PIK3R2: variants seen among roughly 807,000 people sequenced by gnomAD.
PIK3R2 encodes phosphatidylinositol 3-kinase regulatory subunit beta.
Under a neutral mutation model 78.5 loss-of-function variants are expected in PIK3R2, and 40 were observed. That is an observed-to-expected ratio of 0.51 (90% CI 0.40 to 0.66). PIK3R2 has a LOEUF of 0.66. PIK3R2 is among the 30% of genes least tolerant of loss of function. The pLI is 0.00. For missense variants in PIK3R2, 880 were observed against 1,026.6 expected (o/e 0.86, Z 1.95); for synonymous variants, 473 against 457.7 (o/e 1.03, Z -0.43).
Position 18,169,552 on chromosome 19 carries a change from T to A in PIK3R2, c.*258T>A. The A allele has an allele frequency of 3.1e-6, 1 of 321,534 alleles. No homozygotes were observed. Among genetic ancestry groups the A allele is most frequent in the East Asian group, 4.7e-5 (1 of 21,452 alleles). The allele number at this position is 321,534 out of a possible 1,614,324, so 19.9% of individuals were successfully genotyped here. A position where few individuals can be genotyped will look rare whatever the true frequency, so the allele number is the denominator to read the frequency against. On this transcript the variant is annotated 3_prime_UTR_variant, in exon 16 of 16. Transcript: ENST00000222254. ...GGGGTCCTAACTCCCCCACCCCATA[T>A]CTACGTGTCCTCCGGGCATTGCCCT...
In PIK3R2 at chr19:18,168,673, G is replaced by A. The variant is rs2043833261; in HGVS notation, c.1809-53G>A. 1.4e-6 allele frequency: 2 copies of A among 1,481,262 alleles called. No individual in the cohort carries two copies. Among genetic ancestry groups the A allele is most frequent in the Non-Finnish European group, 9.4e-7 (1 of 1,061,718 alleles). The allele number at this position is 1,481,262 out of a possible 1,614,324, so 91.8% of individuals were successfully genotyped here. ...TTGTCCAGGCAGCTGGGGAGCCTCG[G>A]AGGCTGGCAGGTGAGTGACCAGGGC... On this transcript the variant is annotated intron_variant, in intron 14 of 15. Coordinates refer to ENST00000222254, the MANE Select transcript of PIK3R2 (RefSeq NM_005027.4). The surrounding 1 kb of genome is among the most constrained non-coding windows in gnomAD (Gnocchi z 4.1).
chr19:18,161,085 C>T lies in PIK3R2; in HGVS notation c.498C>T (p.Asp166=), dbSNP rs571606151. 2.9e-5 allele frequency: 46 copies of T among 1,608,642 alleles called. 1 individual carries two copies. The South Asian group carries it at 4.9e-4, about 17-fold the overall frequency. ...DWSLSDVDQW[D]TAALADGIKS... is the part of the protein sequence containing the mutation. ...CCCTGAGCGACGTGGATCAGTGGGA[C>T]ACGGCAGCCCTGGCTGACGGCATTA... The change falls in exon 5 of 16, where the codon GAC becomes GAT. Residue 166 remains aspartate, a synonymous_variant. Transcript: ENST00000222254. This position sits in a 1 kb window ranked among gnomAD's most constrained non-coding sequence, Gnocchi z 5.3.
chr19:18,156,152 G>A lies in PIK3R2; in HGVS notation c.273G>A (p.Arg91=), dbSNP rs763789524. 1 of 1,465,840 alleles carries A rather than the reference G, an allele frequency of 6.8e-7. No individual in the cohort carries two copies. The highest frequency in any genetic ancestry group is 9.0e-7 in the Non-Finnish European group (1 of 1,112,882). 90.8% of individuals were successfully genotyped at this position (1,465,840 alleles called of 1,614,324 possible). The change falls in exon 2 of 16, where the codon CGG becomes CGA. Residue 91 remains arginine, a synonymous_variant. Coordinates refer to ENST00000222254, the MANE Select transcript of PIK3R2 (RefSeq NM_005027.4). This position sits in a 1 kb window ranked among gnomAD's most constrained non-coding sequence, Gnocchi z 4.2. The part of the protein sequence containing the change: ...VALARPGPRP[R]GPRPLPARPR... ...TGGCCCGGCCCGGCCCTCGCCCACG[G>A]GGCCCCCGCCCACTGCCCGCCAGGC...
In PIK3R2 at chr19:18,161,725, C is replaced by G. The variant is rs1346707364; in HGVS notation, c.815+230C>G. ...GTGGGTGGTGCCTGCACCTTCCCTTCTGCTCGTCGCAGCTCCGGTACTGGT... is the reference window on the plus strand; with the variant it reads ...GTGGGTGGTGCCTGCACCTTCCCTTGTGCTCGTCGCAGCTCCGGTACTGGT... On this transcript the variant is annotated intron_variant, in intron 6 of 15. Coordinates refer to ENST00000222254, the MANE Select transcript of PIK3R2 (RefSeq NM_005027.4). This position sits in a 1 kb window ranked among gnomAD's most constrained non-coding sequence, Gnocchi z 5.3. Among the ~76,000 whole-genome samples, 1 of 152,220 alleles carries G rather than the reference C, an allele frequency of 6.6e-6. No individual in the cohort carries two copies. The highest frequency in any genetic ancestry group is 2.4e-5 in the African/African-American group (1 of 41,458).
chr19:18,162,082 C>G, intron 7 of PIK3R2, 31 bp downstream of exon 7: 1 of 1,594,390 alleles, frequency 6.3e-7, no homozygotes, highest in Non-Finnish European at 8.6e-7. Context: ...TCATTTCTTC[C>G]CGTTGGGGGC....
intron 2 of PIK3R2, among the ~76,000 whole-genome samples, chr19:18,157,597 T>C (rs1380338762): frequency 6.6e-6 from 1 of 152,136 alleles, no homozygotes; most frequent in African/African-American, 2.4e-5. Context: ...ATTCCTCACC[T>C]GCAAAGTCGG....
In PIK3R2 at chr19:18,161,379, C is replaced by G; in HGVS notation, c.699C>G (p.Ala233=). 2 of 1,255,028 alleles carry G rather than the reference C, an allele frequency of 1.6e-6. No individual in the cohort carries two copies. Among genetic ancestry groups the G allele is most frequent in the African/African-American group, 1.6e-5 (1 of 63,458 alleles). The allele number at this position is 1,255,028 out of a possible 1,614,324, so 77.7% of individuals were successfully genotyped here. The change falls in exon 6 of 16, where the codon GCC becomes GCG. Residue 233 remains alanine, a synonymous_variant. Coordinates refer to ENST00000222254, the MANE Select transcript of PIK3R2 (RefSeq NM_005027.4). The surrounding 1 kb of genome is among the most constrained non-coding windows in gnomAD (Gnocchi z 5.3). The part of the protein sequence containing the change: ...RFLLQHLGRV[A]SRAPALGPAV... ...TGCTCCAGCACCTGGGCCGCGTGGCCAGCCGCGCCCCGGCCCTGGGTCCCG... is the reference window on the plus strand; with the variant it reads ...TGCTCCAGCACCTGGGCCGCGTGGCGAGCCGCGCCCCGGCCCTGGGTCCCG...
Position 18,156,157 on chromosome 19 carries a change from C to T in PIK3R2, c.278C>T (p.Pro93Leu), listed in dbSNP as rs1064796518. Residue 93 changes from proline to leucine, a missense_variant, in exon 2 of 16, where the codon CCC (proline) becomes CTC (leucine). Transcript: ENST00000222254. The surrounding 1 kb of genome is among the most constrained non-coding windows in gnomAD (Gnocchi z 4.2). ...CGGCCCGGCCCTCGCCCACGGGGCC[C>T]CCGCCCACTGCCCGCCAGGCCCCGT... is the stretch of plus-strand genomic sequence containing the variant. ...LARPGPRPRGPRPLPARPRDG... is the reference protein window; with the variant it reads ...LARPGPRPRGLRPLPARPRDG... The T allele has an allele frequency of 3.4e-6, 5 of 1,456,398 alleles. No individual in the cohort carries two copies. The South Asian group carries it at 5.8e-5, about 17-fold the overall frequency. 90.2% of individuals were successfully genotyped at this position (1,456,398 alleles called of 1,614,324 possible). A position where few individuals can be genotyped will look rare whatever the true frequency, so the allele number is the denominator to read the frequency against.
chr19:18,157,900 C>T (rs1408655321), intron 2 of PIK3R2, among the ~76,000 whole-genome samples: 2 of 152,154 alleles, frequency 1.3e-5, no homozygotes, highest in African/African-American at 2.4e-5. Flanking sequence ...TGGCAGACAG[C>T]GAGCTGCTGA....
chr19:18,168,807 G>A lies in PIK3R2; in HGVS notation c.1890G>A (p.Thr630=), dbSNP rs965191886. Residue 630 remains threonine, a synonymous_variant, in exon 15 of 16, where the codon ACG becomes ACA. Coordinates refer to ENST00000222254, the MANE Select transcript of PIK3R2 (RefSeq NM_005027.4). This position sits in a 1 kb window ranked among gnomAD's most constrained non-coding sequence, Gnocchi z 4.1. ...RTWYVGKINR[T]QAEEMLSGKR... is the part of the protein sequence containing the mutation. ...GGTACGTGGGCAAGATCAACCGCACGCAGGCAGAGGAGATGCTGAGTGGCA... is the reference window on the plus strand; with the variant it reads ...GGTACGTGGGCAAGATCAACCGCACACAGGCAGAGGAGATGCTGAGTGGCA... 1 of 1,613,888 alleles carries A rather than the reference G, an allele frequency of 6.2e-7. No homozygotes were observed.
intron 12 of PIK3R2, 82 bp downstream of exon 12, chr19:18,166,384 G>T: frequency 4.8e-6 from 6 of 1,240,460 alleles, no homozygotes; most frequent in South Asian, 2.7e-5. Context: ...GCAGAAGGAG[G>T]CCAGCCACTT....
intron 2 of PIK3R2, among the ~76,000 whole-genome samples, chr19:18,160,254 T>C (rs553647198): frequency 6.6e-6 from 1 of 152,222 alleles, no homozygotes; most frequent in Admixed American, 6.5e-5. Context: ...CTCCTCATAT[T>C]CTAACCCAGA....
At chr19:18,154,994 A>C (rs2043662188) in intron 1 of PIK3R2, among the ~76,000 whole-genome samples, 1 of 151,868 alleles carries the variant, frequency 6.6e-6, no homozygotes, top group African/African-American at 2.4e-5. Context: ...CGAGCAGATC[A>C]CTTGAGGTCA....
rs770051333 is a variant in PIK3R2 at position 18,163,302 on chromosome 19, G to A, written c.1330G>A (p.Ala444Thr). The stretch of plus-strand genomic sequence containing the variant: ...GGAGGACAGCGTGGAGGCAGTGGGC[G>A]CCCAGCTTAAGGTCTATCACCAGCA... ...VKEDSVEAVG[A>T]QLKVYHQQYQ... Residue 444 changes from alanine to threonine, a missense_variant, in exon 11 of 16, where the codon GCC becomes ACC. Transcript: ENST00000222254. 12 of 1,613,904 alleles carry A rather than the reference G, an allele frequency of 7.4e-6. No homozygotes were observed. In the East Asian group the frequency reaches 8.9e-5, roughly 12 times the overall value.
chr19:18,159,163 T>TTTTTTTTTTTTTTTTG (rs1555813899), intron 2 of PIK3R2, among the ~76,000 whole-genome samples: 1 of 140,362 alleles, frequency 7.1e-6, no homozygotes, highest in Non-Finnish European at 1.5e-5. Context: ...TTTTTTTTTT[T>TTTTTTTTTTTTTTTTG]AAATTATTTA....
chr19:18,153,173 G>T lies in PIK3R2; in HGVS notation c.-545G>T. 6.5e-6 allele frequency: 1 copy of T among 153,430 alleles called. No individual in the cohort carries two copies. The highest frequency in any genetic ancestry group is 1.8e-4 in the South Asian group (1 of 5,530). 9.5% of individuals were successfully genotyped at this position (153,430 alleles called of 1,614,324 possible). On this transcript the variant is annotated 5_prime_UTR_variant, in exon 1 of 16. Transcript: ENST00000222254. Reference sequence around the variant, plus strand: ...CGCCGGGGGCGGGCCAGGCCGCTCGGAACCGTGGCGGCGGCGGAGGCGGGG... The same window carrying T: ...CGCCGGGGGCGGGCCAGGCCGCTCGTAACCGTGGCGGCGGCGGAGGCGGGG...
intron 2 of PIK3R2, among the ~76,000 whole-genome samples, chr19:18,157,202 C>T (rs1041299409): frequency 1.3e-5 from 2 of 152,322 alleles, no homozygotes; most frequent in African/African-American, 4.8e-5. Flanking sequence ...GACGCTGGCC[C>T]CAGCCTCCAG....
chr19:18,162,145 G>C lies in PIK3R2; in HGVS notation c.902-57G>C, dbSNP rs2043755432. ...GGCATCAGCAGGCTGGTTGCAGTGG[G>C]AGGCAGCCACAGTATACAGTCGGTG... On this transcript the variant is annotated intron_variant, in intron 7 of 15. Coordinates refer to ENST00000222254, the MANE Select transcript of PIK3R2 (RefSeq NM_005027.4). 9.8e-6 allele frequency: 14 copies of C among 1,433,590 alleles called. No individual in the cohort carries two copies. The South Asian group carries it at 1.6e-4, about 16-fold the overall frequency. The allele number at this position is 1,433,590 out of a possible 1,614,324, so 88.8% of individuals were successfully genotyped here.
At position 18,161,499 on chromosome 19, in the gene PIK3R2, AG is replaced by A; in HGVS notation, c.815+8del. On this transcript the variant is annotated splice_donor_5th_base_variant and intron_variant, in intron 6 of 15. Coordinates refer to ENST00000222254, the MANE Select transcript of PIK3R2 (RefSeq NM_005027.4). This position sits in a 1 kb window ranked among gnomAD's most constrained non-coding sequence, Gnocchi z 5.3. ...CGCCAGGGGGCGCTCCCGACGGGTG[AG>A]GGGCGGGGCGGAGCCGGAGCGAGCA... is the stretch of plus-strand genomic sequence containing the variant. 1.3e-6 allele frequency: 1 copy of A among 771,792 alleles called. No individual in the cohort carries two copies. The highest frequency in any genetic ancestry group is 1.5e-6 in the Non-Finnish European group (1 of 647,690). The allele number at this position is 771,792 out of a possible 1,614,324, so 47.8% of individuals were successfully genotyped here.
Sources: gnomAD v4.1 joint callset for allele counts (sites outside exome capture counted in the v4.1 genomes callset) on GRCh38, gnomAD v4.1.1 for gene constraint, Gnocchi (gnomAD v3.1) non-coding constraint, MANE v1.5 for transcripts, NCBI Gene and HGNC (gene_info 2026-07-23, HGNC 2026-07-21) for gene names.